The following ATP2B2 variants were observed in gnomAD, a reference collection of about 807,000 sequenced individuals.
The protein encoded by ATP2B2 is plasma membrane calcium-transporting ATPase 2.
In ATP2B2, 15 loss-of-function variants were observed where a neutral mutation model predicts 120.0. That is an observed-to-expected ratio of 0.12 (90% CI 0.08 to 0.19). The LOEUF is 0.19. Among genes scored for constraint, ATP2B2 ranks in the 10% least tolerant of loss-of-function variants. The probability of loss-of-function intolerance (pLI) is 1.00; values close to 1 mark genes in which losing one functional copy is unlikely to be tolerated. For synonymous variants in ATP2B2, 694 were observed against 700.3 expected, an observed-to-expected ratio of 0.99 and a Z score of 0.14; for missense variants, 1,045 against 1,719.8, an observed-to-expected ratio of 0.61 and a Z score of 6.94.
intron 1 of ATP2B2, among the ~76,000 whole-genome samples, chr3:10,488,885 T>G (rs1209870860): frequency 1.3e-5 from 2 of 152,154 alleles, no homozygotes; most frequent in African/African-American, 4.8e-5. Context: ...GTCCCTCTTC[T>G]GCTCACAAGG....
chr3:10,567,764 G>A (rs982574839), intron 2 of ATP2B2, among the ~76,000 whole-genome samples: 1 of 152,188 alleles, frequency 6.6e-6, no homozygotes, highest in East Asian at 1.9e-4. Context: ...AGGATGTGGT[G>A]ATGGAAAACA....
Position 10,329,530 on chromosome 3 carries a change from G to C in ATP2B2, c.3421-405C>G, listed in dbSNP as rs2059924693. Among the ~76,000 whole-genome samples, 1 of 152,120 alleles carries C rather than the reference G, an allele frequency of 6.6e-6. No homozygotes were observed. Among genetic ancestry groups the C allele is most frequent in the Non-Finnish European group, 1.5e-5 (1 of 68,028 alleles). On this transcript the variant is annotated intron_variant, in intron 22 of 22. Coordinates refer to ENST00000360273, the MANE Select transcript of ATP2B2 (RefSeq NM_001001331.4). The surrounding 1 kb of genome is among the most constrained non-coding windows in gnomAD (Gnocchi z 5.9). The stretch of plus-strand genomic sequence containing the variant: ...GGGAGGAGGACCAGGTGGGAATCAA[G>C]TAGGAAAGAGGAGAGGCTATTAAAA...
At chr3:10,623,356 T>C (rs7614243) in intron 1 of ATP2B2, among the ~76,000 whole-genome samples, 3 of 152,306 alleles carry the variant, frequency 2.0e-5, no homozygotes, top group South Asian at 2.1e-4. Context: ...CCGTGCCTAA[T>C]TGGTGACTGA....
chr3:10,478,576 C>A (rs970356272), intron 1 of ATP2B2, among the ~76,000 whole-genome samples: 4 of 152,158 alleles, frequency 2.6e-5, no homozygotes, highest in African/African-American at 9.7e-5. Context: ...CCTCCTGCTC[C>A]CCTGGGATTT....
chr3:10,677,733 T>C (rs1159537210), intron 1 of ATP2B2, among the ~76,000 whole-genome samples: 2 of 152,204 alleles, frequency 1.3e-5, no homozygotes, highest in Admixed American at 6.5e-5. Flanking sequence ...ATTTATTTTG[T>C]AGATGAATAT....
chr3:10,476,642 C>T (rs915612161), intron 1 of ATP2B2, among the ~76,000 whole-genome samples: 5 of 152,202 alleles, frequency 3.3e-5, no homozygotes, highest in Admixed American at 6.5e-5. Context: ...GCCAGCTTGG[C>T]GGGAGGGAGA....
rs372048911 is a variant in ATP2B2, at chr3:10,359,391, G to A, written c.1902-466C>T. Reference sequence around the variant, plus strand: ...TGTACCCAGGGCTGAGAACCACTGGGGGCTAGACTAATTGCCTCAATGTAC... The same window carrying A: ...TGTACCCAGGGCTGAGAACCACTGGAGGCTAGACTAATTGCCTCAATGTAC... On this transcript the variant is annotated intron_variant, in intron 13 of 22. Transcript: ENST00000360273. Among the ~76,000 whole-genome samples, 39 of 152,184 alleles carry A rather than the reference G, an allele frequency of 2.6e-4. No homozygotes were observed. In the South Asian group the frequency reaches 7.7e-3, roughly 30 times the overall value.
chr3:10,673,993 T>TA (rs772373957), intron 1 of ATP2B2, among the ~76,000 whole-genome samples: 2,739 of 140,820 alleles, frequency 0.019, 40 homozygotes, highest in African/African-American at 0.042. Context: ...AGTGGTTTTA[T>TA]AAAAAAAAAA....
intron 2 of ATP2B2, among the ~76,000 whole-genome samples, chr3:10,598,150 T>C (rs2068816636): frequency 6.6e-6 from 1 of 152,154 alleles, no homozygotes; most frequent in South Asian, 2.1e-4. Context: ...TGAGAGGTAT[T>C]CCAGAAAGGC....
chr3:10,474,840 C>T (rs1251436615), intron 1 of ATP2B2, among the ~76,000 whole-genome samples: 1 of 152,378 alleles, frequency 6.6e-6, no homozygotes, highest in East Asian at 1.9e-4. Context: ...CTTTCCATGG[C>T]CTTCTGGACA....
chr3:10,378,668 T>C (rs1273669664), intron 9 of ATP2B2, among the ~76,000 whole-genome samples: 1 of 152,186 alleles, frequency 6.6e-6, no homozygotes, highest in African/African-American at 2.4e-5. Flanking sequence ...GCTGTTACCC[T>C]GGATCCCCCT....
intron 3 of ATP2B2, among the ~76,000 whole-genome samples, chr3:10,511,387 G>T (rs2066758341): frequency 6.6e-6 from 1 of 152,210 alleles, no homozygotes; most frequent in Admixed American, 6.5e-5. Context: ...ATTTGCCTGA[G>T]TTATCCCTAG....
In ATP2B2 at chr3:10,569,088, G is replaced by A. The variant is rs115355096; in HGVS notation, c.-414-34955C>T. 6.3e-3 allele frequency among the ~76,000 whole-genome samples: 953 copies of A among 152,294 alleles called. 12 individuals are homozygous for A. The highest frequency in any genetic ancestry group is 0.022 in the African/African-American group (921 of 41,542). ...ACTTTTTCCAGATGAGGAAACTGAG[G>A]AGGGGTGACATGAATGATCTGAGCT... On this transcript the variant is annotated intron_variant, in intron 2 of 21. Transcript: ENST00000646379.
At chr3:10,523,544 C>T (rs1003706224) in intron 3 of ATP2B2, among the ~76,000 whole-genome samples, 9 of 152,156 alleles carry the variant, frequency 5.9e-5, no homozygotes, top group South Asian at 4.1e-4. Flanking sequence ...CCATAAATTG[C>T]GAATCTTTGC....
At chr3:10,401,778 GAGA>G (rs1344601599) in intron 4 of ATP2B2, among the ~76,000 whole-genome samples, 1 of 152,228 alleles carries the variant, frequency 6.6e-6, no homozygotes, top group Non-Finnish European at 1.5e-5. Flanking sequence ...GTGCTGTGCT[GAGA>G]AGGCTTCTGC....
intron 2 of ATP2B2, among the ~76,000 whole-genome samples, chr3:10,579,179 C>T (rs1470155257): frequency 1.3e-5 from 2 of 152,222 alleles, no homozygotes; most frequent in East Asian, 3.8e-4. Context: ...ATAGTGGATG[C>T]TCAACCAACG....
chr3:10,603,681 C>T (rs913376048), intron 2 of ATP2B2, among the ~76,000 whole-genome samples: 1 of 152,124 alleles, frequency 6.6e-6, no homozygotes, highest in African/African-American at 2.4e-5. Context: ...CTCTGTTCCT[C>T]CTCCCCCAGC....
rs546328142 is a variant in ATP2B2, at chr3:10,374,684, C to T, written c.1416+746G>A. 2.0e-5 allele frequency among the ~76,000 whole-genome samples: 3 copies of T among 152,328 alleles called. No individual in the cohort carries two copies. The East Asian group carries it at 5.8e-4, about 29-fold the overall frequency. ...GGGGGTGACCCAGTAGGGTCAGACT[C>T]GCAGTGACTGGGCACTGCAGACAGT... On this transcript the variant is annotated intron_variant, in intron 11 of 22. Transcript: ENST00000360273.
At chr3:10,401,932 C>A (rs548875903) in intron 4 of ATP2B2, among the ~76,000 whole-genome samples, 159 bp downstream of exon 4, 21 of 152,280 alleles carry the variant, frequency 1.4e-4, no homozygotes, top group African/African-American at 4.8e-4. Context: ...CAGGAAGTAC[C>A]CTTCCACCTC....
Sources: gnomAD v4.1 joint callset for allele counts (sites outside exome capture counted in the v4.1 genomes callset) on GRCh38, gnomAD v4.1.1 for gene constraint, Gnocchi (gnomAD v3.1) non-coding constraint, MANE v1.5 for transcripts, NCBI Gene and HGNC (gene_info 2026-07-23, HGNC 2026-07-21) for gene names.